TEX9: variants seen among roughly 807,000 people sequenced by gnomAD.
TEX9 encodes the protein testis-expressed protein 9.
In TEX9, 74 loss-of-function variants were observed where a neutral mutation model predicts 59.6. The ratio of observed to expected loss-of-function variants is 1.24; its 90% CI spans 1.03 to 1.51. The LOEUF (loss-of-function observed/expected upper bound fraction) is 1.51. Ranked by LOEUF, TEX9 falls within the 40% of genes most tolerant of loss-of-function variation. The pLI is 0.00. For missense variants in TEX9, 522 were observed against 447.8 expected, an observed-to-expected ratio of 1.17 and a Z score of -1.49; for synonymous variants, 186 against 152.2, an observed-to-expected ratio of 1.22 and a Z score of -1.64.
At chr15:56,246,184 A>G in intron 1 of TEX9, among the ~76,000 whole-genome samples, 1 of 152,218 alleles carries the variant, frequency 6.6e-6, no homozygotes, top group South Asian at 2.1e-4. Flanking sequence ...TCACCCCAGC[A>G]GCCACTAGAG....
intron 1 of TEX9, among the ~76,000 whole-genome samples, chr15:56,263,632 T>C (rs1488109208): frequency 6.6e-6 from 1 of 152,220 alleles, no homozygotes; most frequent in East Asian, 1.9e-4. Context: ...TGCATAGTTA[T>C]GTAACTACCA....
At chr15:56,423,054 C>T (rs996880328) in intron 10 of TEX9, among the ~76,000 whole-genome samples, 22 of 152,118 alleles carry the variant, frequency 1.4e-4, no homozygotes, top group African/African-American at 5.3e-4. Context: ...CATCAGTGGA[C>T]AGTTGAGCTG....
intron 7 of TEX9, among the ~76,000 whole-genome samples, chr15:56,392,801 G>A (rs2048279995): frequency 6.6e-6 from 1 of 152,148 alleles, no homozygotes; most frequent in African/African-American, 2.4e-5. Flanking sequence ...AGGATGTGAT[G>A]CACAGGCATT....
chr15:56,416,164 G>A (rs1369747547), intron 10 of TEX9, among the ~76,000 whole-genome samples: 6 of 151,920 alleles, frequency 3.9e-5, no homozygotes, highest in East Asian at 1.9e-4. Flanking sequence ...GAATTACGCC[G>A]TCTGCAAACA....
chr15:56,289,603 AG>A (rs1212793197), intron 1 of TEX9, among the ~76,000 whole-genome samples: 7 of 152,194 alleles, frequency 4.6e-5, no homozygotes, highest in Non-Finnish European at 1.0e-4. Context: ...ATGGCTGCTA[AG>A]GTTCTCCTGG....
At chr15:56,403,547 G>C (rs144803255) in intron 9 of TEX9, among the ~76,000 whole-genome samples, 4 of 152,114 alleles carry the variant, frequency 2.6e-5, no homozygotes, top group South Asian at 2.1e-4. Flanking sequence ...GTGAAAATGG[G>C]CATACTGCCC....
chr15:56,403,342 CAG>C, intron 9 of TEX9, among the ~76,000 whole-genome samples: 1 of 152,332 alleles, frequency 6.6e-6, no homozygotes, highest in Admixed American at 6.5e-5. Context: ...ACACCAATAA[CAG>C]ACACACAGCC....
chr15:56,276,894 G>T (rs987973333), intron 1 of TEX9, among the ~76,000 whole-genome samples: 1 of 152,118 alleles, frequency 6.6e-6, no homozygotes, highest in Non-Finnish European at 1.5e-5. Context: ...TTGTGGTTTT[G>T]ATTTGCATTT....
chr15:56,437,501 C>A (rs1275244395), intron 12 of TEX9, among the ~76,000 whole-genome samples: 17 of 152,124 alleles, frequency 1.1e-4, no homozygotes, highest in African/African-American at 4.1e-4. Flanking sequence ...AAACCCACAG[C>A]CAATATCATA....
chr15:56,384,425 A>C (rs1234414462), intron 4 of TEX9, among the ~76,000 whole-genome samples: 1 of 152,152 alleles, frequency 6.6e-6, no homozygotes, highest in Non-Finnish European at 1.5e-5. Context: ...TGGTGTGTGG[A>C]CCTCCAAATG....
At chr15:56,387,851 A>C (rs2048030611) in intron 4 of TEX9, among the ~76,000 whole-genome samples, 1 of 151,970 alleles carries the variant, frequency 6.6e-6, no homozygotes, top group South Asian at 2.1e-4. Flanking sequence ...TGTGGGCCAT[A>C]GTTTGCAGAC....
chr15:56,283,845 T>G (rs2044877542), intron 1 of TEX9, among the ~76,000 whole-genome samples: 1 of 152,152 alleles, frequency 6.6e-6, no homozygotes, highest in Non-Finnish European at 1.5e-5. Context: ...TGATATAAAT[T>G]TGTTGAAACA....
chr15:56,425,124 T>C (rs887733071), intron 10 of TEX9, among the ~76,000 whole-genome samples: 1 of 152,286 alleles, frequency 6.6e-6, no homozygotes, highest in East Asian at 1.9e-4. Context: ...TTACAGATGC[T>C]CCCTTGCATG....
At chr15:56,295,713 T>TA (rs1187636896) in intron 1 of TEX9, among the ~76,000 whole-genome samples, 1 of 152,248 alleles carries the variant, frequency 6.6e-6, no homozygotes, top group African/African-American at 2.4e-5. Context: ...GGGAGAGTCC[T>TA]GGCTTCTCAT....
chr15:56,365,283 C>T, upstream of TEX9: 1 of 849,706 alleles, frequency 1.2e-6, no homozygotes, highest in Non-Finnish European at 1.8e-6. Context: ...GGGACAGCGC[C>T]GAGTGCTGCG....
chr15:56,413,180 C>G (rs1034056567), intron 10 of TEX9, among the ~76,000 whole-genome samples: 1 of 47,306 alleles, frequency 2.1e-5, no homozygotes, highest in Non-Finnish European at 4.5e-5. Flanking sequence ...TTTTTAAATT[C>G]TATTTAATAA....
chr15:56,273,090 A>G (rs1293845402), intron 1 of TEX9, among the ~76,000 whole-genome samples: 1 of 151,888 alleles, frequency 6.6e-6, no homozygotes, highest in African/African-American at 2.4e-5. Context: ...AGTAACTGGG[A>G]CTACAGGCAT....
At chr15:56,442,617 C>G (rs1280808716) in intron 12 of TEX9, among the ~76,000 whole-genome samples, 1 of 152,126 alleles carries the variant, frequency 6.6e-6, no homozygotes, top group Admixed American at 6.6e-5. Flanking sequence ...AGGCCATTAG[C>G]CTATGCTAAT....
intron 6 of TEX9, 74 bp downstream of exon 6, chr15:56,389,474 A>G: frequency 9.0e-7 from 1 of 1,115,496 alleles, no homozygotes; most frequent in Middle Eastern, 2.9e-4. Context: ...TTAATTATTA[A>G]GCTCTGTTTG....
Sources: allele counts gnomAD v4.1 joint callset (sites outside exome capture counted in the v4.1 genomes callset), GRCh38; gene constraint gnomAD v4.1.1; transcripts MANE v1.5; gene names NCBI Gene and HGNC (gene_info 2026-07-23, HGNC 2026-07-21).